The following MTOR variants were observed in gnomAD, a reference collection of about 807,000 sequenced individuals.
MTOR encodes serine/threonine-protein kinase mTOR.
MTOR carries 70 observed loss-of-function variants against 319.8 expected under a neutral mutation model. That is an observed-to-expected ratio of 0.22 (90% CI 0.18 to 0.27). The LOEUF (loss-of-function observed/expected upper bound fraction) is 0.27. MTOR is among the 10% of genes least tolerant of loss of function. MTOR has a pLI of 1.00. For synonymous variants in MTOR, 1,183 were observed against 1,211.4 expected (o/e 0.98, Z 0.49); for missense variants, 1,890 against 3,274.4 (o/e 0.58, Z 10.32).
intron 53 of MTOR, 110 bp from the exon 54 acceptor site, chr1:11,113,027 C>A: frequency 1.7e-6 from 2 of 1,150,314 alleles, no homozygotes; most frequent in African/African-American, 1.5e-5. Context: ...AGCTATAGCC[C>A]CAAAAAAAGA....
chr1:11,204,398 C>T (rs1238221887), intron 26 of MTOR, among the ~76,000 whole-genome samples, 163 bp downstream of exon 26: 2 of 152,318 alleles, frequency 1.3e-5, no homozygotes, highest in South Asian at 2.1e-4. Context: ...AAGATAGATG[C>T]TACAGTATGA....
intron 1 of MTOR, 76 bp from the exon 2 acceptor site, chr1:11,259,499 A>T (rs1316615217): frequency 6.9e-7 from 1 of 1,447,496 alleles, no homozygotes; most frequent in Non-Finnish European, 9.2e-7. Flanking sequence ...CTGGTCACCC[A>T]ACACAGATCT....
chr1:11,202,365 G>C (rs538148318), intron 26 of MTOR, among the ~76,000 whole-genome samples: 1 of 136,022 alleles, frequency 7.4e-6, no homozygotes, highest in Non-Finnish European at 1.5e-5. Flanking sequence ...AGGTTGCGGT[G>C]AGCCAAGATC....
Position 11,109,833 on chromosome 1 carries a change from T to C in MTOR, c.7367-104A>G. 1.1e-6 allele frequency: 1 copy of C among 946,842 alleles called. No individual in the cohort carries two copies. The highest frequency in any genetic ancestry group is 1.3e-5 in the South Asian group (1 of 75,208). The allele number at this position is 946,842 out of a possible 1,614,324, so 58.7% of individuals were successfully genotyped here. ...CACTCTATTCCTTTAACGCCTGCCC[T>C]ACCTACCCTAAAGGGGAAAAGAGAA... On this transcript the variant is annotated intron_variant, in intron 54 of 57. Transcript: ENST00000361445. This position sits in a 1 kb window ranked among gnomAD's most constrained non-coding sequence, Gnocchi z 4.0.
At chr1:11,229,731 G>C (rs1478035913) in intron 18 of MTOR, among the ~76,000 whole-genome samples, 1 of 152,158 alleles carries the variant, frequency 6.6e-6, no homozygotes, top group Non-Finnish European at 1.5e-5. Context: ...CCTGCCCTGA[G>C]GGAATATGGG....
At chr1:11,157,688 G>A (rs188197578) in intron 29 of MTOR, among the ~76,000 whole-genome samples, 2 of 152,274 alleles carry the variant, frequency 1.3e-5, no homozygotes, top group African/African-American at 4.8e-5. Context: ...CCATCGCTCC[G>A]ATCTGCTGGA....
At position 11,214,447 on chromosome 1, in the gene MTOR, G is replaced by C. The variant is rs141341279; in HGVS notation, c.3118-881C>G. Among the ~76,000 whole-genome samples, 303 of 151,950 alleles carry C rather than the reference G, an allele frequency of 2.0e-3. 1 individual carries two copies. The highest frequency in any genetic ancestry group is 7.1e-3 in the African/African-American group (293 of 41,268). ...GATATCATTTCTATCAACTCAAAAA[G>C]ACAGCTGCCTACCACCATCTTTAAA... On this transcript the variant is annotated intron_variant, in intron 20 of 57. Coordinates refer to ENST00000361445, the MANE Select transcript of MTOR (RefSeq NM_004958.4).
In MTOR at chr1:11,107,772, C is replaced by T. The variant is rs12117241; in HGVS notation, c.7635-272G>A. ...TTAATCAAAGCACACCCCAGAGTGG[C>T]CCTTGAGGTTAGACTCCCAGATCAT... On this transcript the variant is annotated intron_variant, in intron 57 of 57. Transcript: ENST00000361445. Among the ~76,000 whole-genome samples, 8,991 of 152,242 alleles carry T rather than the reference C, an allele frequency of 0.059. 374 individuals carry two copies. Among genetic ancestry groups the T allele is most frequent in the South Asian group, 0.12 (595 of 4,814 alleles).
At chr1:11,132,737 A>G (rs1643222090) in intron 38 of MTOR, 1 of 200,646 alleles carries the variant, frequency 5.0e-6, no homozygotes, top group African/African-American at 2.3e-5. Flanking sequence ...CTGAACAAGA[A>G]CAGATGACCT....
At chr1:11,204,176 T>C (rs1163486116) in intron 26 of MTOR, among the ~76,000 whole-genome samples, 1 of 152,232 alleles carries the variant, frequency 6.6e-6, no homozygotes, top group African/African-American at 2.4e-5. Flanking sequence ...AAATTGCAGA[T>C]TCAGGAGTAA....
At chr1:11,202,101 C>T (rs1645989497) in intron 26 of MTOR, among the ~76,000 whole-genome samples, 1 of 152,204 alleles carries the variant, frequency 6.6e-6, no homozygotes, top group Non-Finnish European at 1.5e-5. Context: ...CCACAATGCC[C>T]AGCCTGTAAA....
rs2100412362 is a variant in MTOR, at chr1:11,127,987, C to T, written c.6033+17G>A. On this transcript the variant is annotated intron_variant, in intron 43 of 57. Coordinates refer to ENST00000361445, the MANE Select transcript of MTOR (RefSeq NM_004958.4). This position sits in a 1 kb window ranked among gnomAD's most constrained non-coding sequence, Gnocchi z 5.5. ...AGGGACCAGGGTCTATGAAGCCCCA[C>T]AGTGGCTCCGACCCACCATCATGGC... 1 of 1,613,152 alleles carries T rather than the reference C, an allele frequency of 6.2e-7. No homozygotes were observed. The highest frequency in any genetic ancestry group is 8.5e-7 in the Non-Finnish European group (1 of 1,179,944).
chr1:11,109,178 A>G lies in MTOR; in HGVS notation c.7528+112T>C, dbSNP rs886250079. 11 of 852,432 alleles carry G rather than the reference A, an allele frequency of 1.3e-5. No individual in the cohort carries two copies. The Middle Eastern group carries it at 6.8e-4, about 53-fold the overall frequency. The allele number at this position is 852,432 out of a possible 1,614,324, so 52.8% of individuals were successfully genotyped here. On this transcript the variant is annotated intron_variant, in intron 56 of 57. Transcript: ENST00000361445. The surrounding 1 kb of genome is among the most constrained non-coding windows in gnomAD (Gnocchi z 4.0). ...CTCAAAGACACTCTTTGTCAGCTGC[A>G]TGGTGCCAAAGCTCGTCACTAACAC...
intron 29 of MTOR, among the ~76,000 whole-genome samples, chr1:11,161,896 C>T (rs1259638662): frequency 2.6e-5 from 4 of 152,178 alleles, no homozygotes; most frequent in Non-Finnish European, 5.9e-5. Context: ...TCCAAAGGAA[C>T]GCAGCTCTTT....
chr1:11,110,432 C>T lies in MTOR; in HGVS notation c.7367-703G>A, dbSNP rs568063162. Among the ~76,000 whole-genome samples the T allele has an allele frequency of 1.6e-3, 249 of 152,014 alleles. 2 individuals carry two copies. The highest frequency in any genetic ancestry group is 5.5e-3 in the African/African-American group (229 of 41,460). On this transcript the variant is annotated intron_variant, in intron 54 of 57. Transcript: ENST00000361445. ...TTCTTTTTTTTTTGAGACGGAGTTT[C>T]GCTCTTGTTGCCCAGGCTGGAGTGC...
At chr1:11,122,155 G>C (rs2100364326) in intron 47 of MTOR, 29 bp from the exon 48 acceptor site, 1 of 1,613,834 alleles carries the variant, frequency 6.2e-7, no homozygotes, top group Non-Finnish European at 8.5e-7. Context: ...CAGGGTTAGT[G>C]TACCGTAAAG....
intron 20 of MTOR, among the ~76,000 whole-genome samples, chr1:11,213,833 C>T (rs1224686063): frequency 2.6e-5 from 4 of 152,226 alleles, no homozygotes; most frequent in Non-Finnish European, 5.9e-5. Context: ...TAGAATCCCA[C>T]TTCTTGCTCA....
chr1:11,255,846 CAAAA>C (rs35904498), intron 5 of MTOR, 142 bp downstream of exon 5: 351 of 532,710 alleles, frequency 6.6e-4, no homozygotes, highest in South Asian at 8.8e-4. Context: ...GACTCCATCA[CAAAA>C]AAAAAAAAAA....
At chr1:11,229,356 C>T (rs1021015238) in intron 18 of MTOR, among the ~76,000 whole-genome samples, 6 of 152,204 alleles carry the variant, frequency 3.9e-5, no homozygotes, top group African/African-American at 7.2e-5. Flanking sequence ...ATACTACCTA[C>T]CTGACTTGAA....
Sources: gnomAD v4.1 joint callset for allele counts (sites outside exome capture counted in the v4.1 genomes callset) on GRCh38, gnomAD v4.1.1 for gene constraint, Gnocchi (gnomAD v3.1) non-coding constraint, MANE v1.5 for transcripts, NCBI Gene and HGNC (gene_info 2026-07-23, HGNC 2026-07-21) for gene names.